The following TCF7 variants were observed in gnomAD, a reference collection of about 807,000 sequenced individuals.
The protein encoded by TCF7 is transcription factor 7.
A neutral mutation model predicts 46.8 loss-of-function variants in TCF7; 19 were observed. The ratio of observed to expected loss-of-function variants is 0.41; its 90% CI spans 0.28 to 0.60. The LOEUF (loss-of-function observed/expected upper bound fraction) is 0.60. Ranked by LOEUF, TCF7 falls within the 20% of genes least tolerant of loss-of-function variation. TCF7 has a pLI of 0.35. For synonymous variants in TCF7, 245 were observed against 213.4 expected (o/e 1.15, Z -1.29); for missense variants, 547 against 504.6 (o/e 1.08, Z -0.81).
intron 3 of TCF7, among the ~76,000 whole-genome samples, chr5:134,127,720 C>G (rs1757527019): frequency 6.6e-6 from 1 of 152,246 alleles, no homozygotes; most frequent in Non-Finnish European, 1.5e-5. Context: ...TCTCTCGCTG[C>G]CCCGCCGCCT....
chr5:134,115,350 ACT>A lies in TCF7; in HGVS notation c.282_283del (p.Phe95ProfsTer96), dbSNP rs1477985061. Reference sequence around the variant, plus strand: ...TCGGGCGGGAACACGCTGCGCAGAGACTCTTCCCGGACAAACTTCCAGAGCCC... The same window carrying A: ...TCGGGCGGGAACACGCTGCGCAGAGACTTCCCGGACAAACTTCCAGAGCCC... ...ALGREHAAQR[L>X]FPDKLPEPLE... is the part of the protein sequence containing the mutation. On this transcript the variant is annotated frameshift_variant, in exon 2 of 10. Coordinates refer to ENST00000342854, the MANE Select transcript of TCF7 (RefSeq NM_003202.5). LOFTEE classifies it high-confidence loss of function. The A allele has an allele frequency of 1.3e-6, 2 of 1,599,870 alleles. No homozygotes were observed. The highest frequency in any genetic ancestry group is 1.1e-5 in the South Asian group (1 of 88,762).
At chr5:134,124,266 A>C (rs528979302) in intron 3 of TCF7, among the ~76,000 whole-genome samples, 3 of 152,290 alleles carry the variant, frequency 2.0e-5, no homozygotes, top group African/African-American at 7.2e-5. Context: ...CAGACCTGTC[A>C]TGCTTGGGGT....
intron 3 of TCF7, among the ~76,000 whole-genome samples, chr5:134,127,175 C>T (rs1757460685): frequency 6.6e-6 from 1 of 152,180 alleles, no homozygotes; most frequent in Non-Finnish European, 1.5e-5. Flanking sequence ...CAGCTGGATT[C>T]CTCTGGCCCC....
chr5:134,121,715 C>T (rs951423438), intron 3 of TCF7, among the ~76,000 whole-genome samples: 1 of 152,226 alleles, frequency 6.6e-6, no homozygotes, highest in East Asian at 1.9e-4. Flanking sequence ...GCAGCCTCCC[C>T]TGTGGCTCTG....
chr5:134,115,424 C>A, intron 2 of TCF7, 37 bp downstream of exon 2: 1 of 1,570,864 alleles, frequency 6.4e-7, no homozygotes, highest in Non-Finnish European at 8.6e-7. Context: ...CTTCGTCGCG[C>A]TCAGGCCCTG....
At chr5:134,115,821 G>A (rs1336499507) in intron 2 of TCF7, 88 bp from the exon 3 acceptor site, 19 of 1,586,968 alleles carry the variant, frequency 1.2e-5, no homozygotes, top group Non-Finnish European at 1.5e-5. Flanking sequence ...GGGACCCCTT[G>A]GCAATTCTTT....
intron 3 of TCF7, among the ~76,000 whole-genome samples, chr5:134,134,238 G>A (rs559836049): frequency 4.2e-4 from 64 of 152,372 alleles, no homozygotes; most frequent in African/African-American, 1.4e-3. Flanking sequence ...AGCTGGCACC[G>A]TGGACCCCTG....
intron 3 of TCF7, among the ~76,000 whole-genome samples, chr5:134,122,832 C>G (rs1756793688): frequency 6.6e-6 from 1 of 152,306 alleles, no homozygotes; most frequent in Admixed American, 6.5e-5. Flanking sequence ...CCCAATGGTA[C>G]AGTGCACAGA....
chr5:134,112,276 C>T (rs1267841825), upstream of TCF7, among the ~76,000 whole-genome samples: 1 of 152,238 alleles, frequency 6.6e-6, no homozygotes, highest in African/African-American at 2.4e-5. Context: ...ACTACTCTAG[C>T]ACCTAAATCG....
chr5:134,139,580 C>T, intron 5 of TCF7: 1 of 153,982 alleles, frequency 6.5e-6, no homozygotes, highest in Non-Finnish European at 1.4e-5. Flanking sequence ...ATTCTTAAGG[C>T]TGGACCAGGA....
intron 3 of TCF7, among the ~76,000 whole-genome samples, chr5:134,128,990 G>C (rs1757727810): frequency 6.6e-6 from 1 of 152,252 alleles, no homozygotes. Flanking sequence ...ATTCTTGGTA[G>C]GCTGCTGCCA....
In TCF7 at chr5:134,138,940, C is replaced by T. The variant is rs751761444; in HGVS notation, c.548-11C>T. ...AGGCTAGCCCACTCACTCAGCTTCT[C>T]TCCTCTGCAGTTCACAGGCCTCTGC... On this transcript the variant is annotated splice_polypyrimidine_tract_variant and intron_variant, in intron 4 of 9. Coordinates refer to ENST00000342854, the MANE Select transcript of TCF7 (RefSeq NM_003202.5). The T allele has an allele frequency of 5.6e-6, 9 of 1,613,598 alleles. 1 individual carries two copies. In the South Asian group the frequency reaches 7.7e-5, roughly 14 times the overall value.
rs779502670 is a variant in TCF7 at position 134,116,041 on chromosome 5, G to A, written c.441+8G>A. 2.4e-5 allele frequency: 38 copies of A among 1,609,690 alleles called. No individual in the cohort carries two copies. The African/African-American group carries it at 4.7e-4, about 20-fold the overall frequency. On this transcript the variant is annotated splice_region_variant and intron_variant, in intron 3 of 9. Transcript: ENST00000342854. ...CAGCCGCAGCCCCCGCTGGTAAGTG[G>A]ACCCCGCAGCCAGTGCCGCCCTGTG... is the stretch of plus-strand genomic sequence containing the variant.
chr5:134,129,233 A>C (rs1470015183), intron 3 of TCF7, among the ~76,000 whole-genome samples: 5 of 152,114 alleles, frequency 3.3e-5, no homozygotes, highest in Non-Finnish European at 7.4e-5. Context: ...AGACTGAGAC[A>C]CTCAGTTGGC....
Position 134,146,243 on chromosome 5 carries a change from C to T in TCF7, c.1095C>T (p.Phe365=), listed in dbSNP as rs375666484. The part of the protein sequence containing the change: ...ESTTGGKRNA[F]GTYPEKAAAP... Reference sequence around the variant, plus strand: ...TCCTAGGAGGAAAAAGAAATGCATTCGGTACTTACCCGGAGAAGGCCGCTG... The same window carrying T: ...TCCTAGGAGGAAAAAGAAATGCATTTGGTACTTACCCGGAGAAGGCCGCTG... Residue 365 remains phenylalanine (F), a synonymous_variant, in exon 10 of 10, where the codon TTC becomes TTT. Coordinates refer to ENST00000342854, the MANE Select transcript of TCF7 (RefSeq NM_003202.5). 7.4e-5 allele frequency: 119 copies of T among 1,614,062 alleles called. No homozygotes were observed. Among genetic ancestry groups the T allele is most frequent in the Admixed American group, 2.3e-4 (14 of 60,002 alleles).
At chr5:134,115,556 T>A (rs1755687156) in intron 2 of TCF7, 169 bp downstream of exon 2, 2 of 1,437,288 alleles carry the variant, frequency 1.4e-6, no homozygotes, top group African/African-American at 2.9e-5. Flanking sequence ...CGCCGCCGGG[T>A]CGAGTCACTT....
chr5:134,109,621 T>C, the TCF7 span, among the ~76,000 whole-genome samples: 1 of 151,958 alleles, frequency 6.6e-6, no homozygotes, highest in African/African-American at 2.4e-5. Flanking sequence ...AATACAAAAA[T>C]TAGCCGAGCG....
chr5:134,139,943 C>G (rs984004374), intron 5 of TCF7: 4 of 152,238 alleles, frequency 2.6e-5, no homozygotes, highest in Non-Finnish European at 4.4e-5. Context: ...GCAAGATGCT[C>G]AAGAGCCCAG....
At chr5:134,116,059 G>A in intron 3 of TCF7, 26 bp downstream of exon 3, 1 of 1,598,864 alleles carries the variant, frequency 6.3e-7, no homozygotes, top group African/African-American at 1.3e-5. Context: ...AGCCAGTGCC[G>A]CCCTGTGCTT....
Sources: gnomAD v4.1 joint callset for allele counts (sites outside exome capture counted in the v4.1 genomes callset) on GRCh38, gnomAD v4.1.1 for gene constraint, MANE v1.5 for transcripts, NCBI Gene and HGNC (gene_info 2026-07-23, HGNC 2026-07-21) for gene names.